Variants in AGAP1 observed in about 807,000 individuals in gnomAD.
AGAP1 encodes the protein ArfGAP with GTPase domain, ankyrin repeat and PH domain 1, also known as arf-GAP with GTPase, ANK repeat and PH domain-containing protein 1.
In AGAP1, 29 loss-of-function variants were observed where a neutral mutation model predicts 105.3. The ratio of observed to expected loss-of-function variants is 0.28; its 90% CI spans 0.21 to 0.38. The LOEUF is 0.38. AGAP1 is among the 10% of genes least tolerant of loss of function. AGAP1 has a pLI of 1.00. For synonymous variants in AGAP1, 509 were observed against 485.9 expected (o/e 1.05, Z -0.63); for missense variants, 998 against 1,165.1 (o/e 0.86, Z 2.09).
At chr2:235,780,419 A>G (rs1956188733) in intron 6 of AGAP1, among the ~76,000 whole-genome samples, 1 of 152,114 alleles carries the variant, frequency 6.6e-6, no homozygotes, top group South Asian at 2.1e-4. Flanking sequence ...ACTCAAAGAG[A>G]TCTTCTGTCA....
chr2:235,825,800 T>C (rs1001577163), intron 9 of AGAP1, among the ~76,000 whole-genome samples: 1 of 152,214 alleles, frequency 6.6e-6, no homozygotes, highest in African/African-American at 2.4e-5. Context: ...TACTATTTGA[T>C]AGCACAGCAG....
chr2:235,975,909 T>A (rs967146024), intron 13 of AGAP1, among the ~76,000 whole-genome samples: 1 of 152,204 alleles, frequency 6.6e-6, no homozygotes, highest in South Asian at 2.1e-4. Context: ...TAAGGACTTA[T>A]TAATTAAACT....
At chr2:235,686,625 A>G (rs1202209335) in intron 1 of AGAP1, among the ~76,000 whole-genome samples, 19 of 33,182 alleles carry the variant, frequency 5.7e-4, no homozygotes, top group African/African-American at 2.4e-3. Context: ...ATATAGATAT[A>G]TATATATATA....
At chr2:235,814,039 C>G (rs1958309474) in intron 9 of AGAP1, among the ~76,000 whole-genome samples, 1 of 152,180 alleles carries the variant, frequency 6.6e-6, no homozygotes, top group South Asian at 2.1e-4. Context: ...TGCCGGTGTG[C>G]TTCTCTCGAC....
chr2:235,745,053 A>T (rs1442688375), intron 5 of AGAP1, among the ~76,000 whole-genome samples: 1 of 152,090 alleles, frequency 6.6e-6, no homozygotes, highest in African/African-American at 2.4e-5. Context: ...ACACACACAC[A>T]CATATCCCAG....
At chr2:235,573,061 T>TCC (rs1944616988) in intron 1 of AGAP1, among the ~76,000 whole-genome samples, 1 of 67,368 alleles carries the variant, frequency 1.5e-5, no homozygotes, top group Admixed American at 2.0e-4. Context: ...CTTCTTCTTC[T>TCC]TTCTTCTTTC....
intron 1 of AGAP1, among the ~76,000 whole-genome samples, chr2:235,515,976 C>T (rs977261729): frequency 6.6e-6 from 1 of 151,984 alleles, no homozygotes; most frequent in African/African-American, 2.4e-5. Flanking sequence ...CTCTGTAGCC[C>T]AGTCCTCCGA....
chr2:236,092,105 C>T lies in AGAP1; in HGVS notation c.2115-28087C>T, dbSNP rs1355308785. ...AGCTAGAGAACAGGTTAGTGGTTGT[C>T]CAGGGTTAGGGATGGAGAGGGTGGG... On this transcript the variant is annotated intron_variant, in intron 16 of 17. Coordinates refer to ENST00000304032, the MANE Select transcript of AGAP1 (RefSeq NM_001037131.3). The surrounding 1 kb of genome is among the most constrained non-coding windows in gnomAD (Gnocchi z 4.7). 6.6e-6 allele frequency among the ~76,000 whole-genome samples: 1 copy of T among 152,076 alleles called. No individual in the cohort carries two copies. The highest frequency in any genetic ancestry group is 1.5e-5 in the Non-Finnish European group (1 of 68,018).
Position 235,550,716 on chromosome 2 carries a change from A to C in AGAP1, c.163+55867A>C, listed in dbSNP as rs1194724011. 6.6e-6 allele frequency among the ~76,000 whole-genome samples: 1 copy of C among 152,196 alleles called. No individual in the cohort carries two copies. The highest frequency in any genetic ancestry group is 2.4e-5 in the African/African-American group (1 of 41,452). On this transcript the variant is annotated intron_variant, in intron 1 of 17. Coordinates refer to ENST00000304032, the MANE Select transcript of AGAP1 (RefSeq NM_001037131.3). The surrounding 1 kb of genome is among the most constrained non-coding windows in gnomAD (Gnocchi z 4.6). The stretch of plus-strand genomic sequence containing the variant: ...GATGCGGAATGTAGTGACGATCGCA[A>C]ATCCTTCCTGTGGCCAAAGAGTGAG...
Position 235,535,611 on chromosome 2 carries a change from G to A in AGAP1, c.163+40762G>A, listed in dbSNP as rs898388038. Among the ~76,000 whole-genome samples, 2 of 151,918 alleles carry A rather than the reference G, an allele frequency of 1.3e-5. No homozygotes were observed. The highest frequency in any genetic ancestry group is 4.8e-5 in the African/African-American group (2 of 41,358). ...CCAAAGGTTTCCTCAAAGACCCTGG[G>A]GGCCGGGCGGGGCTGTGCCAGGCAC... On this transcript the variant is annotated intron_variant, in intron 1 of 17. Coordinates refer to ENST00000304032, the MANE Select transcript of AGAP1 (RefSeq NM_001037131.3). This position sits in a 1 kb window ranked among gnomAD's most constrained non-coding sequence, Gnocchi z 5.1.
chr2:235,760,247 CGT>C (rs1405784938), intron 6 of AGAP1, among the ~76,000 whole-genome samples: 1 of 152,132 alleles, frequency 6.6e-6, no homozygotes, highest in Non-Finnish European at 1.5e-5. Context: ...GGCATGGTGG[CGT>C]GTGCCTGTAG....
At position 236,124,558 on chromosome 2, in the gene AGAP1, C is replaced by G; in HGVS notation, c.*436C>G. The G allele has an allele frequency of 4.5e-6, 1 of 223,804 alleles. No individual in the cohort carries two copies. The highest frequency in any genetic ancestry group is 8.9e-6 in the Non-Finnish European group (1 of 112,190). The allele number at this position is 223,804 out of a possible 1,614,324, so 13.9% of individuals were successfully genotyped here. A position where few individuals can be genotyped will look rare whatever the true frequency, so the allele number is the denominator to read the frequency against. On this transcript the variant is annotated 3_prime_UTR_variant, in exon 18 of 18. Transcript: ENST00000304032. This position sits in a 1 kb window ranked among gnomAD's most constrained non-coding sequence, Gnocchi z 5.1. ...CAAACGGAACACTTGGATTCCATCT[C>G]TTCTCTGAGGAGCTCGACGGCATAA...
At chr2:235,851,451 C>T (rs1268729376) in intron 9 of AGAP1, among the ~76,000 whole-genome samples, 1 of 152,230 alleles carries the variant, frequency 6.6e-6, no homozygotes, top group Non-Finnish European at 1.5e-5. Flanking sequence ...ACCAACGCAC[C>T]ATGTGCCGCA....
chr2:235,935,604 G>T (rs6431413), intron 12 of AGAP1, among the ~76,000 whole-genome samples: 72,050 of 151,904 alleles, frequency 0.47, 17,318 homozygotes, highest in South Asian at 0.61. Flanking sequence ...TAGTGAGCCC[G>T]TGACCACCAA....
At chr2:235,703,891 A>G (rs1950389872) in intron 1 of AGAP1, among the ~76,000 whole-genome samples, 1 of 152,070 alleles carries the variant, frequency 6.6e-6, no homozygotes, top group African/African-American at 2.4e-5. Context: ...CCTGCAGGCT[A>G]GTCTTGAACT....
chr2:235,923,165 G>A (rs765741940), intron 11 of AGAP1, among the ~76,000 whole-genome samples: 9 of 152,150 alleles, frequency 5.9e-5, no homozygotes, highest in East Asian at 1.9e-4. Flanking sequence ...TCATGGTAAC[G>A]CAAATAATAT....
intron 16 of AGAP1, among the ~76,000 whole-genome samples, chr2:236,118,689 T>C (rs2059830633): frequency 6.6e-6 from 1 of 152,116 alleles, no homozygotes; most frequent in African/African-American, 2.4e-5. Flanking sequence ...GCGCCCAGCC[T>C]CTTTTCTTTG....
intron 16 of AGAP1, among the ~76,000 whole-genome samples, chr2:236,059,922 C>A (rs1482805122): frequency 2.0e-5 from 3 of 152,238 alleles, no homozygotes; most frequent in South Asian, 4.2e-4. Context: ...GAAACCCCGT[C>A]TCTCCTAAAA....
chr2:235,597,879 C>T (rs547527533), intron 1 of AGAP1, among the ~76,000 whole-genome samples: 2 of 86,562 alleles, frequency 2.3e-5, no homozygotes, highest in African/African-American at 5.0e-5. Context: ...AGCGTGCACG[C>T]GCTCCCGTGT....
Sources: gnomAD v4.1 joint callset for allele counts (sites outside exome capture counted in the v4.1 genomes callset) on GRCh38, gnomAD v4.1.1 for gene constraint, Gnocchi (gnomAD v3.1) non-coding constraint, MANE v1.5 for transcripts, NCBI Gene and HGNC (gene_info 2026-07-23, HGNC 2026-07-21) for gene names.